The following PTPRM variants were observed in gnomAD, a reference collection of about 807,000 sequenced individuals.
PTPRM encodes receptor-type tyrosine-protein phosphatase mu.
A neutral mutation model predicts 186.7 loss-of-function variants in PTPRM; 47 were observed. The observed-to-expected ratio is 0.25, with a 90% CI of 0.20 to 0.32. The LOEUF is 0.32. Among genes scored for constraint, PTPRM ranks in the 10% least tolerant of loss-of-function variants. The pLI is 1.00. For synonymous variants in PTPRM, 668 were observed against 674.9 expected (o/e 0.99, Z 0.16); for missense variants, 1,494 against 1,865.0 (o/e 0.80, Z 3.66).
intron 2 of PTPRM, among the ~76,000 whole-genome samples, chr18:7,882,168 T>G (rs2048542548): frequency 6.6e-6 from 1 of 152,210 alleles, no homozygotes; most frequent in Non-Finnish European, 1.5e-5. Flanking sequence ...TAGAAAATTT[T>G]TATAGGAATT....
intron 3 of PTPRM, among the ~76,000 whole-genome samples, chr18:7,891,095 G>A (rs2049050889): frequency 1.3e-5 from 2 of 148,324 alleles, no homozygotes; most frequent in South Asian, 4.4e-4. Context: ...TGGGCAACAT[G>A]GCGAAATCCA....
chr18:8,310,796 A>G (rs771122287), intron 20 of PTPRM, among the ~76,000 whole-genome samples: 5 of 152,208 alleles, frequency 3.3e-5, no homozygotes, highest in Non-Finnish European at 5.9e-5. Context: ...GTTTAACACT[A>G]CATATCCCCA....
At chr18:7,939,060 G>A (rs778370575) in intron 5 of PTPRM, among the ~76,000 whole-genome samples, 2 of 151,990 alleles carry the variant, frequency 1.3e-5, no homozygotes, top group South Asian at 2.1e-4. Context: ...TGAGATGTTC[G>A]ATTAATACAG....
At chr18:7,792,054 G>C (rs2043369308) in intron 2 of PTPRM, among the ~76,000 whole-genome samples, 1 of 152,074 alleles carries the variant, frequency 6.6e-6, no homozygotes, top group African/African-American at 2.4e-5. Context: ...AAATATCATT[G>C]AATAAATGTC....
intron 14 of PTPRM, among the ~76,000 whole-genome samples, chr18:8,240,664 A>AGAAG (rs2094416323): frequency 2.4e-5 from 1 of 42,204 alleles, no homozygotes; most frequent in African/African-American, 1.4e-4. Flanking sequence ...AAAGAAAGAA[A>AGAAG]GAAAGAAAGA....
intron 2 of PTPRM, among the ~76,000 whole-genome samples, chr18:7,786,865 T>A (rs1485480840): frequency 3.9e-5 from 6 of 152,218 alleles, no homozygotes; most frequent in Non-Finnish European, 5.9e-5. Flanking sequence ...GAAAACAAAA[T>A]GATACAGTTT....
intron 7 of PTPRM, among the ~76,000 whole-genome samples, chr18:7,972,505 A>G (rs1157061417): frequency 1.6e-5 from 2 of 128,884 alleles, no homozygotes; most frequent in African/African-American, 6.6e-5. Flanking sequence ...GGAGAGAAAC[A>G]TGGAATAGAA....
chr18:7,754,091 GA>G (rs543557847), intron 1 of PTPRM, among the ~76,000 whole-genome samples: 4 of 152,304 alleles, frequency 2.6e-5, no homozygotes, highest in African/African-American at 9.6e-5. Flanking sequence ...TCCAGTATGT[GA>G]AAATGCTTTA....
chr18:7,840,528 C>A (rs1348073507), intron 2 of PTPRM, among the ~76,000 whole-genome samples: 3 of 152,190 alleles, frequency 2.0e-5, no homozygotes, highest in African/African-American at 7.2e-5. Context: ...CTTTCCTGAT[C>A]TGGATTTCTT....
At chr18:7,802,351 C>G (rs1815627020) in intron 2 of PTPRM, among the ~76,000 whole-genome samples, 1 of 152,076 alleles carries the variant, frequency 6.6e-6, no homozygotes, top group Non-Finnish European at 1.5e-5. Flanking sequence ...TAAATGATTT[C>G]AGAGCTTTCA....
intron 1 of PTPRM, among the ~76,000 whole-genome samples, chr18:7,587,010 A>G (rs549092595): frequency 2.7e-4 from 41 of 152,232 alleles, no homozygotes; most frequent in Non-Finnish European, 5.9e-4. Context: ...ATATCCTATT[A>G]TAACACATTT....
Position 7,902,098 on chromosome 18 carries a change from T to G in PTPRM, c.469-4407T>G, listed in dbSNP as rs191188526. 3.7e-3 allele frequency among the ~76,000 whole-genome samples: 560 copies of G among 152,360 alleles called. 5 individuals are homozygous for G. The highest frequency in any genetic ancestry group is 0.013 in the African/African-American group (533 of 41,584). On this transcript the variant is annotated intron_variant, in intron 3 of 32. Transcript: ENST00000580170. Reference sequence around the variant, plus strand: ...ACATAAACGTATCAACAAAGATTGCTTTTCTCCTATCTTGACTCTGCAATT... The same window carrying G: ...ACATAAACGTATCAACAAAGATTGCGTTTCTCCTATCTTGACTCTGCAATT...
At chr18:8,292,977 G>T (rs1023427818) in intron 19 of PTPRM, among the ~76,000 whole-genome samples, 2 of 152,154 alleles carry the variant, frequency 1.3e-5, no homozygotes, top group African/African-American at 4.8e-5. Flanking sequence ...ACTGACTTCG[G>T]ATCTAGGTTG....
intron 19 of PTPRM, among the ~76,000 whole-genome samples, chr18:8,259,556 TG>T (rs2094606694): frequency 1.3e-5 from 2 of 151,260 alleles, no homozygotes; most frequent in East Asian, 3.9e-4. Context: ...GCAAGTTCAG[TG>T]TTTTATTTGC....
At chr18:7,603,343 T>C (rs1371009823) in intron 1 of PTPRM, among the ~76,000 whole-genome samples, 1 of 152,278 alleles carries the variant, frequency 6.6e-6, no homozygotes, top group Non-Finnish European at 1.5e-5. Context: ...ACTGTGAGAC[T>C]ACTTTGCAAC....
intron 4 of PTPRM, among the ~76,000 whole-genome samples, chr18:7,922,146 A>G (rs1256097480): frequency 6.6e-6 from 1 of 152,204 alleles, no homozygotes; most frequent in Non-Finnish European, 1.5e-5. Flanking sequence ...ATGGTAAACA[A>G]TGAGAGTGCT....
intron 14 of PTPRM, among the ~76,000 whole-genome samples, chr18:8,188,958 C>G (rs116226502): frequency 6.6e-6 from 1 of 152,144 alleles, no homozygotes; most frequent in African/African-American, 2.4e-5. Flanking sequence ...TCAGAAAATA[C>G]TTTTCCAAAG....
At chr18:8,288,030 T>A (rs1057143255) in intron 19 of PTPRM, among the ~76,000 whole-genome samples, 17 of 152,190 alleles carry the variant, frequency 1.1e-4, no homozygotes, top group Non-Finnish European at 1.3e-4. Context: ...ATCTCATTGA[T>A]ATACATGGGA....
chr18:7,628,720 T>G (rs1161464852), intron 1 of PTPRM, among the ~76,000 whole-genome samples: 3 of 152,208 alleles, frequency 2.0e-5, no homozygotes, highest in Non-Finnish European at 1.5e-5. Flanking sequence ...GCCCACCCTG[T>G]CAGGCACTGT....
Sources: allele counts gnomAD v4.1 joint callset (sites outside exome capture counted in the v4.1 genomes callset), GRCh38; gene constraint gnomAD v4.1.1; transcripts MANE v1.5; gene names NCBI Gene and HGNC (gene_info 2026-07-23, HGNC 2026-07-21).